SCHIP1: variants seen among roughly 807,000 people sequenced by gnomAD.
SCHIP1 encodes the protein schwannomin-interacting protein 1.
In SCHIP1, 8 loss-of-function variants were observed where a neutral mutation model predicts 29.7. That is an observed-to-expected ratio of 0.27 (90% confidence interval 0.16 to 0.49). SCHIP1 has a LOEUF of 0.49. Ranked by LOEUF, SCHIP1 falls within the 20% of genes least tolerant of loss-of-function variation. The probability of loss-of-function intolerance (pLI) is 0.99; values close to 1 mark genes in which losing one functional copy is unlikely to be tolerated. For synonymous variants in SCHIP1, 76 were observed against 94.9 expected (o/e 0.80, Z 1.16); for missense variants, 193 against 294.6 (o/e 0.66, Z 2.52).
At chr3:159,806,861 G>T in the SCHIP1 span, among the ~76,000 whole-genome samples, 3 of 152,308 alleles carry the variant, frequency 2.0e-5, no homozygotes, top group East Asian at 5.8e-4. Flanking sequence ...TAGCGGTCAG[G>T]TAGGTCATGG....
At chr3:159,711,640 T>C in the SCHIP1 span, among the ~76,000 whole-genome samples, 1 of 152,178 alleles carries the variant, frequency 6.6e-6, no homozygotes, top group South Asian at 2.1e-4. Context: ...CAGCCTATTG[T>C]TATCAGAACT....
the SCHIP1 span, chr3:159,401,212 A>T: frequency 2.8e-5 from 26 of 943,008 alleles, no homozygotes; most frequent in Non-Finnish European, 3.3e-5. Flanking sequence ...GCTTTGTAAT[A>T]AGTGAACTGA....
the SCHIP1 span, among the ~76,000 whole-genome samples, chr3:159,637,581 T>C: frequency 2.0e-5 from 3 of 152,162 alleles, no homozygotes; most frequent in Non-Finnish European, 4.4e-5. Flanking sequence ...GGGAAATGCA[T>C]GTGGAATTGC....
At chr3:159,709,267 T>A in the SCHIP1 span, among the ~76,000 whole-genome samples, 1 of 152,160 alleles carries the variant, frequency 6.6e-6, no homozygotes, top group African/African-American at 2.4e-5. Context: ...GGGATTCTTG[T>A]GAGGATGAAA....
the SCHIP1 span, among the ~76,000 whole-genome samples, chr3:159,474,654 C>T: frequency 6.6e-6 from 1 of 151,976 alleles, no homozygotes; most frequent in Non-Finnish European, 1.5e-5. Context: ...AGACAGGTAA[C>T]ATAAAGGAGT....
At chr3:159,795,689 A>T in the SCHIP1 span, among the ~76,000 whole-genome samples, 1 of 152,144 alleles carries the variant, frequency 6.6e-6, no homozygotes, top group East Asian at 1.9e-4. Context: ...AGAGGAGGAG[A>T]ATCTTGAGCT....
the SCHIP1 span, among the ~76,000 whole-genome samples, chr3:159,643,692 T>C: frequency 6.6e-6 from 1 of 152,266 alleles, no homozygotes; most frequent in Admixed American, 6.5e-5. Context: ...TAATCTCTTC[T>C]GCCCTGGACT....
chr3:159,570,049 T>C, the SCHIP1 span, among the ~76,000 whole-genome samples: 2 of 152,212 alleles, frequency 1.3e-5, no homozygotes, highest in East Asian at 3.8e-4. Flanking sequence ...ATTAGCCCTT[T>C]GTCAGATGAG....
At chr3:159,883,340 C>A (rs915317675) in intron 2 of SCHIP1, among the ~76,000 whole-genome samples, 4 of 152,142 alleles carry the variant, frequency 2.6e-5, no homozygotes, top group African/African-American at 9.7e-5. Context: ...GTTATGAGGG[C>A]AGCCAGATGC....
At chr3:159,553,264 T>A in the SCHIP1 span, among the ~76,000 whole-genome samples, 1 of 120,506 alleles carries the variant, frequency 8.3e-6, no homozygotes, top group Non-Finnish European at 1.6e-5. Flanking sequence ...ATGGAAAAGG[T>A]TAAAAAAAAA....
At chr3:159,323,598 A>G in the SCHIP1 span, among the ~76,000 whole-genome samples, 10 of 152,184 alleles carry the variant, frequency 6.6e-5, no homozygotes, top group African/African-American at 2.4e-4. Context: ...TCAGTCTTTT[A>G]CTCTATTAAG....
chr3:159,661,435 C>T, the SCHIP1 span, among the ~76,000 whole-genome samples: 3 of 152,146 alleles, frequency 2.0e-5, no homozygotes, highest in South Asian at 6.2e-4. Flanking sequence ...TACCATGTGC[C>T]AATCCTTGTG....
chr3:159,720,696 C>T, the SCHIP1 span, among the ~76,000 whole-genome samples: 17 of 152,086 alleles, frequency 1.1e-4, no homozygotes, highest in African/African-American at 3.1e-4. Context: ...GCAATCCTCC[C>T]GCCTCAGCCT....
At chr3:159,550,108 A>AAATTAATTATCTTAAGATATCTTAAGAT in the SCHIP1 span, among the ~76,000 whole-genome samples, 3 of 151,830 alleles carry the variant, frequency 2.0e-5, no homozygotes, top group South Asian at 4.2e-4. Context: ...TATCTTAAGA[A>AAATTAATTATCTTAAGATATCTTAAGAT]AATTAATTAT....
chr3:159,397,687 TC>T, the SCHIP1 span, among the ~76,000 whole-genome samples: 2 of 152,218 alleles, frequency 1.3e-5, no homozygotes, highest in Non-Finnish European at 2.9e-5. Context: ...TTCTCAGATC[TC>T]CAGCTGCATG....
the SCHIP1 span, among the ~76,000 whole-genome samples, chr3:159,824,740 GGA>G: frequency 6.6e-6 from 1 of 152,194 alleles, no homozygotes; most frequent in East Asian, 1.9e-4. Flanking sequence ...CATTTGGATT[GGA>G]GAGAGACTCA....
At chr3:159,409,797 A>G in the SCHIP1 span, among the ~76,000 whole-genome samples, 1 of 151,910 alleles carries the variant, frequency 6.6e-6, no homozygotes, top group Admixed American at 6.6e-5. Context: ...TAAAATTTAT[A>G]AAAAGACCCA....
chr3:159,590,946 T>C, the SCHIP1 span, among the ~76,000 whole-genome samples: 6 of 152,182 alleles, frequency 3.9e-5, no homozygotes, highest in Non-Finnish European at 7.3e-5. Context: ...GTCTTCAATA[T>C]GAATTTTTAT....
At chr3:159,575,898 T>C in the SCHIP1 span, among the ~76,000 whole-genome samples, 2 of 152,216 alleles carry the variant, frequency 1.3e-5, no homozygotes, top group African/African-American at 2.4e-5. Context: ...CATTTTGTTA[T>C]TGATTTTTGC....
Sources: gnomAD v4.1 joint callset for allele counts (sites outside exome capture counted in the v4.1 genomes callset) on GRCh38, gnomAD v4.1.1 for gene constraint, MANE v1.5 for transcripts, NCBI Gene and HGNC (gene_info 2026-07-23, HGNC 2026-07-21) for gene names.